PRMT9: variants seen among roughly 807,000 people sequenced by gnomAD.
PRMT9 encodes the protein protein arginine methyltransferase 9.
PRMT9 carries 59 observed loss-of-function variants against 83.2 expected under a neutral mutation model. The observed-to-expected ratio is 0.71, with a 90% CI of 0.57 to 0.88. The LOEUF is 0.88. Ranked by LOEUF, PRMT9 falls within the 40% of genes least tolerant of loss-of-function variation. The pLI is 0.00. For synonymous variants in PRMT9, 333 were observed against 353.2 expected (o/e 0.94, Z 0.64); for missense variants, 947 against 1,021.9 (o/e 0.93, Z 1.00).
chr4:147,639,042 C>T lies in PRMT9; in HGVS notation c.2240G>A (p.Cys747Tyr), dbSNP rs11557361. The change falls in exon 11 of 12, where the codon TGT becomes TAT. Residue 747 changes from cysteine to tyrosine, a missense_variant. Coordinates refer to ENST00000322396, the MANE Select transcript of PRMT9 (RefSeq NM_138364.4). The part of the protein sequence containing the change: ...RVFLDLSSLP[C>Y]IPLSKPVELL... ...TTCCACTGGCTTGCTTAAAGGTATA[C>T]AGGGCAATGAGGATAGGTCCAAAAA... is the stretch of plus-strand genomic sequence containing the variant. The T allele has an allele frequency of 0.023, 37,268 of 1,612,920 alleles. 580 individuals carry two copies. Among genetic ancestry groups the T allele is most frequent in the Non-Finnish European group, 0.028 (33,271 of 1,179,058 alleles).
chr4:147,663,729 A>G (rs945636353), intron 6 of PRMT9, among the ~76,000 whole-genome samples: 1 of 152,174 alleles, frequency 6.6e-6, no homozygotes, highest in African/African-American at 2.4e-5. Context: ...TTCAAGCCAT[A>G]TGGTAAAAAG....
intron 10 of PRMT9, among the ~76,000 whole-genome samples, chr4:147,641,253 G>T (rs1208673489): frequency 6.6e-6 from 1 of 152,072 alleles, no homozygotes; most frequent in Non-Finnish European, 1.5e-5. Context: ...CAGAGCAAAA[G>T]CCACAGTCCT....
At position 147,654,416 on chromosome 4, in the gene PRMT9, C is replaced by T. The variant is rs764934847; in HGVS notation, c.1481G>A (p.Gly494Glu). ...FTQNKDLLSLGNEAELCSALA... is the reference protein window; with the variant it reads ...FTQNKDLLSLENEAELCSALA... ...GGCACTACAAAGTTCAGCCTCATTTCCTAACGATAACAAGTCTTTATTCTG... is the reference window on the plus strand; with the variant it reads ...GGCACTACAAAGTTCAGCCTCATTTTCTAACGATAACAAGTCTTTATTCTG... Residue 494 changes from glycine to glutamate, a missense_variant, in exon 9 of 12, where the codon GGA becomes GAA. Transcript: ENST00000322396. 3.6e-5 allele frequency: 58 copies of T among 1,614,058 alleles called. No homozygotes were observed. The highest frequency in any genetic ancestry group is 4.5e-5 in the Non-Finnish European group (53 of 1,180,040).
intron 4 of PRMT9, chr4:147,671,789 C>A (rs1735749155): frequency 2.2e-6 from 1 of 452,526 alleles, no homozygotes. Context: ...ACAACATTAT[C>A]TGTGAGAAAA....
At chr4:147,651,432 A>T (rs1193981865) in intron 9 of PRMT9, among the ~76,000 whole-genome samples, 1 of 152,236 alleles carries the variant, frequency 6.6e-6, no homozygotes. Flanking sequence ...GGAAATGATC[A>T]AAAGAGTGAA....
chr4:147,670,429 T>A (rs1022138023), intron 5 of PRMT9, among the ~76,000 whole-genome samples: 1 of 152,232 alleles, frequency 6.6e-6, no homozygotes, highest in African/African-American at 2.4e-5. Context: ...TCCACCCACC[T>A]TGGCCTCCCA....
chr4:147,678,234 GT>G lies in PRMT9; in HGVS notation c.338+2088del, dbSNP rs1360045353. ...GTAGTTCATTATTCATAACATTAAG[GT>G]TTTTTTTAGCTGGATGTGATTTGAG... On this transcript the variant is annotated intron_variant, in intron 2 of 11. Coordinates refer to ENST00000322396, the MANE Select transcript of PRMT9 (RefSeq NM_138364.4). Among the ~76,000 whole-genome samples the G allele has an allele frequency of 2.0e-5, 3 of 152,066 alleles. 1 individual carries two copies. Among genetic ancestry groups the G allele is most frequent in the Admixed American group, 6.6e-5 (1 of 15,248 alleles).
intron 6 of PRMT9, among the ~76,000 whole-genome samples, chr4:147,666,850 T>C (rs932469186): frequency 6.7e-6 from 1 of 150,078 alleles, no homozygotes; most frequent in Admixed American, 6.6e-5. Flanking sequence ...AAAAAAGATA[T>C]TGGCCTCATT....
chr4:147,671,805 G>C (rs185114802), intron 4 of PRMT9: 3 of 454,512 alleles, frequency 6.6e-6, no homozygotes, highest in Admixed American at 2.4e-5. Flanking sequence ...GAAAAAGGTA[G>C]ATTAAATTAA....
intron 6 of PRMT9, among the ~76,000 whole-genome samples, chr4:147,668,248 A>G (rs1382455375): frequency 6.6e-6 from 1 of 152,176 alleles, no homozygotes; most frequent in Non-Finnish European, 1.5e-5. Flanking sequence ...TTTCTTCCAC[A>G]CTGTTCTCAT....
chr4:147,660,117 TA>T (rs1185736809), intron 7 of PRMT9, among the ~76,000 whole-genome samples: 2 of 152,186 alleles, frequency 1.3e-5, no homozygotes, highest in African/African-American at 4.8e-5. Context: ...GATATAGAGA[TA>T]AGTCAGAAAG....
intron 1 of PRMT9, among the ~76,000 whole-genome samples, chr4:147,681,701 T>A (rs535994288): frequency 2.6e-4 from 39 of 151,960 alleles, no homozygotes; most frequent in African/African-American, 8.4e-4. Flanking sequence ...GCAGGAGAAT[T>A]GCTTGAACCC....
At chr4:147,665,665 T>A (rs1287797858) in intron 6 of PRMT9, among the ~76,000 whole-genome samples, 1 of 152,146 alleles carries the variant, frequency 6.6e-6, no homozygotes, top group African/African-American at 2.4e-5. Flanking sequence ...TGAGAAATGG[T>A]ATTTAAAAAC....
intron 2 of PRMT9, 43 bp downstream of exon 2, chr4:147,680,280 T>C (rs1011088674): frequency 6.3e-7 from 1 of 1,579,104 alleles, no homozygotes; most frequent in Admixed American, 1.7e-5. Context: ...TCCAGACTAA[T>C]ACAGAATAAT....
At chr4:147,669,392 G>A (rs952446849) in intron 5 of PRMT9, among the ~76,000 whole-genome samples, 2 of 151,850 alleles carry the variant, frequency 1.3e-5, no homozygotes, top group African/African-American at 2.4e-5. Context: ...AACAGAATAA[G>A]TATTTTCATT....
intron 6 of PRMT9, among the ~76,000 whole-genome samples, chr4:147,665,867 ATT>A (rs752996525): frequency 2.0e-5 from 3 of 152,218 alleles, no homozygotes; most frequent in Non-Finnish European, 4.4e-5. Context: ...CATTCAGATA[ATT>A]TGTTTGCTTT....
chr4:147,678,447 G>T (rs574382098), intron 2 of PRMT9, among the ~76,000 whole-genome samples: 23 of 152,180 alleles, frequency 1.5e-4, no homozygotes, highest in Non-Finnish European at 2.5e-4. Flanking sequence ...TTTATTTCCT[G>T]TACTTTCACA....
At chr4:147,682,337 G>A (rs1308740212) in intron 1 of PRMT9, among the ~76,000 whole-genome samples, 1 of 152,106 alleles carries the variant, frequency 6.6e-6, no homozygotes, top group Non-Finnish European at 1.5e-5. Context: ...GCACCACCAC[G>A]CCCAGCTAAT....
intron 6 of PRMT9, among the ~76,000 whole-genome samples, chr4:147,665,871 G>A (rs986572877): frequency 6.6e-6 from 1 of 152,022 alleles, no homozygotes; most frequent in African/African-American, 2.4e-5. Context: ...CAGATAATTT[G>A]TTTGCTTTGA....
Sources: allele counts gnomAD v4.1 joint callset (sites outside exome capture counted in the v4.1 genomes callset), GRCh38; gene constraint gnomAD v4.1.1; transcripts MANE v1.5; gene names NCBI Gene and HGNC (gene_info 2026-07-23, HGNC 2026-07-21).